Variants in DENND2B observed in about 807,000 individuals in gnomAD.
DENND2B encodes DENN domain containing 2B.
Under a neutral mutation model 116.0 loss-of-function variants are expected in DENND2B, and 32 were observed. The observed-to-expected ratio is 0.28, with a 90% CI of 0.21 to 0.37. The LOEUF (loss-of-function observed/expected upper bound fraction) is 0.37. Ranked by LOEUF, DENND2B falls within the 10% of genes least tolerant of loss-of-function variation. DENND2B has a pLI of 1.00. For synonymous variants in DENND2B, 588 were observed against 583.9 expected, an observed-to-expected ratio of 1.01 and a Z score of -0.10; for missense variants, 1,276 against 1,477.7, an observed-to-expected ratio of 0.86 and a Z score of 2.24.
upstream of DENND2B, among the ~76,000 whole-genome samples, chr11:8,812,106 G>A (rs1176990649): frequency 3.9e-5 from 6 of 152,176 alleles, no homozygotes; most frequent in East Asian, 3.8e-4. Flanking sequence ...CACTTATACA[G>A]TTAGGCAGTC....
rs552316616 is a variant in DENND2B at position 8,731,075 on chromosome 11, G to A, written c.215C>T (p.Pro72Leu). 4.3e-6 allele frequency: 7 copies of A among 1,613,476 alleles called. No homozygotes were observed. The African/African-American group carries it at 5.3e-5, about 12-fold the overall frequency. The stretch of plus-strand genomic sequence containing the variant: ...AGGATTCTGGGGTGAAGGAGCTGGG[G>A]GGTGCCGGTCCTTGAGGAGCACCCG... The part of the protein sequence containing the change: ...SSRVLLKDRH[P>L]PAPSPQNPQD... Residue 72 changes from proline (P) to leucine (L), a missense_variant, in exon 3 of 20, where the codon CCC (proline) becomes CTC (leucine). Transcript: ENST00000313726.
At chr11:8,834,306 C>T (rs1255883957) in intron 4 of DENND2B, among the ~76,000 whole-genome samples, 1 of 152,188 alleles carries the variant, frequency 6.6e-6, no homozygotes, top group African/African-American at 2.4e-5. Context: ...GCAGCATATG[C>T]GTCCTACAGG....
At chr11:8,729,057 A>G (rs1040712440) in intron 3 of DENND2B, among the ~76,000 whole-genome samples, 1 of 152,160 alleles carries the variant, frequency 6.6e-6, no homozygotes, top group African/African-American at 2.4e-5. Context: ...ACATGGCAGG[A>G]AAGTTTATAT....
chr11:8,791,347 C>T (rs377588232), intron 1 of DENND2B, among the ~76,000 whole-genome samples: 15 of 152,332 alleles, frequency 9.8e-5, no homozygotes, highest in African/African-American at 3.1e-4. Context: ...CAAAAGAAAT[C>T]TGGTTGTATC....
At chr11:8,751,198 A>G (rs2052387914) in intron 1 of DENND2B, among the ~76,000 whole-genome samples, 1 of 152,100 alleles carries the variant, frequency 6.6e-6, no homozygotes, top group South Asian at 2.1e-4. Flanking sequence ...ACATCAGTCC[A>G]CAGGCTGTAT....
Position 8,730,727 on chromosome 11 carries a change from C to A in DENND2B, c.563G>T (p.Arg188Leu). Residue 188 changes from arginine (R) to leucine (L), a missense_variant, in exon 3 of 20, where the codon CGG becomes CTG. Transcript: ENST00000313726. This position sits in a 1 kb window ranked among gnomAD's most constrained non-coding sequence, Gnocchi z 4.1. The part of the protein sequence containing the change: ...SPRMSMCGEK[R>L]EGSGSEWAAS... ...CGCCCACTCGCTCCCAGAGCCCTCC[C>A]GCTTCTCTCCACACATGCTCATCCT... is the stretch of plus-strand genomic sequence containing the variant. The A allele has an allele frequency of 1.2e-6, 2 of 1,612,358 alleles. No homozygotes were observed. The highest frequency in any genetic ancestry group is 1.7e-6 in the Non-Finnish European group (2 of 1,179,908).
chr11:8,704,984 A>T (rs145578441), intron 13 of DENND2B, among the ~76,000 whole-genome samples: 1 of 152,138 alleles, frequency 6.6e-6, no homozygotes, highest in Non-Finnish European at 1.5e-5. Flanking sequence ...TTACAAGCAC[A>T]TGAGCCACGG....
chr11:8,746,785 T>G (rs1044725282), intron 2 of DENND2B, among the ~76,000 whole-genome samples: 1 of 152,128 alleles, frequency 6.6e-6, no homozygotes, highest in Non-Finnish European at 1.5e-5. Flanking sequence ...AGCAGTACTT[T>G]GGGGGCAGGA....
intron 2 of DENND2B, chr11:8,857,477 T>C (rs959439509): frequency 6.6e-6 from 1 of 152,252 alleles, no homozygotes; most frequent in Non-Finnish European, 1.5e-5. Context: ...CATTTTCACA[T>C]GCCTCCCACT....
intron 1 of DENND2B, chr11:8,784,149 C>T (rs2058665517): frequency 6.6e-6 from 1 of 151,892 alleles, no homozygotes; most frequent in Non-Finnish European, 1.5e-5. Context: ...CAGATCCCAT[C>T]CCTCATACAC....
intron 11 of DENND2B, chr11:8,708,467 A>C (rs1423693576): frequency 2.3e-6 from 1 of 430,860 alleles, no homozygotes; most frequent in African/African-American, 2.2e-5. Context: ...AGATGAGGCA[A>C]CTGAGTTCAA....
intron 3 of DENND2B, among the ~76,000 whole-genome samples, chr11:8,843,515 C>T (rs1269176704): frequency 6.6e-6 from 1 of 152,146 alleles, no homozygotes; most frequent in Non-Finnish European, 1.5e-5. Flanking sequence ...CAGAAGATTA[C>T]TAAGATGGAA....
At chr11:8,905,091 A>G (rs924171578) in intron 1 of DENND2B, among the ~76,000 whole-genome samples, 1 of 152,108 alleles carries the variant, frequency 6.6e-6, no homozygotes, top group African/African-American at 2.4e-5. Context: ...TAGAATATAA[A>G]AATAATTTTG....
chr11:8,697,946 A>G, intron 16 of DENND2B: 1 of 483,926 alleles, frequency 2.1e-6, no homozygotes. Flanking sequence ...AGCCTGGGCA[A>G]CTTAGCAGGT....
At chr11:8,873,531 C>A (rs900797328), upstream of DENND2B, among the ~76,000 whole-genome samples, 1 of 152,122 alleles carries the variant, frequency 6.6e-6, no homozygotes, top group Non-Finnish European at 1.5e-5. Flanking sequence ...TTAATACTGG[C>A]CAAATATTTA....
intron 2 of DENND2B, among the ~76,000 whole-genome samples, chr11:8,747,822 A>G (rs2051555074): frequency 6.6e-6 from 1 of 152,240 alleles, no homozygotes; most frequent in African/African-American, 2.4e-5. Flanking sequence ...CTGCCAAATC[A>G]AGACTAAGCT....
chr11:8,872,607 G>T (rs892171607), upstream of DENND2B, among the ~76,000 whole-genome samples: 3 of 151,932 alleles, frequency 2.0e-5, no homozygotes, highest in African/African-American at 7.3e-5. Context: ...TGCCAAAAAA[G>T]GATATTACAC....
chr11:8,850,510 A>G (rs937352509), intron 3 of DENND2B, among the ~76,000 whole-genome samples: 1 of 152,174 alleles, frequency 6.6e-6, no homozygotes, highest in African/African-American at 2.4e-5. Context: ...CCTCACACCT[A>G]TTAGAATGGC....
chr11:8,817,029 A>T (rs1011738482), intron 4 of DENND2B, among the ~76,000 whole-genome samples: 2 of 152,160 alleles, frequency 1.3e-5, no homozygotes, highest in African/African-American at 4.8e-5. Context: ...AAAAAAATGG[A>T]AGACTCAGGC....
Sources: gnomAD v4.1 joint callset for allele counts (sites outside exome capture counted in the v4.1 genomes callset) on GRCh38, gnomAD v4.1.1 for gene constraint, Gnocchi (gnomAD v3.1) non-coding constraint, MANE v1.5 for transcripts, NCBI Gene and HGNC (gene_info 2026-07-23, HGNC 2026-07-21) for gene names.